Variants in UBE2W observed in about 807,000 individuals in gnomAD.
The protein encoded by UBE2W is ubiquitin-conjugating enzyme E2 W.
UBE2W carries 18 observed loss-of-function variants against 27.2 expected under a neutral mutation model. The observed-to-expected ratio is 0.66, with a 90% CI of 0.46 to 0.98. UBE2W has a LOEUF of 0.98. Among genes scored for constraint, UBE2W ranks in the 50% least tolerant of loss-of-function variants. The pLI is 0.00. For synonymous variants in UBE2W, 53 were observed against 57.2 expected (o/e 0.93, Z 0.33); for missense variants, 90 against 180.2 (o/e 0.50, Z 2.87).
chr8:73,796,292 AAT>A (rs1808417893), intron 5 of UBE2W, among the ~76,000 whole-genome samples: 1 of 152,162 alleles, frequency 6.6e-6, no homozygotes, highest in Non-Finnish European at 1.5e-5. Flanking sequence ...AATTCTACCT[AAT>A]ATGTCAAACT....
intron 5 of UBE2W, among the ~76,000 whole-genome samples, chr8:73,801,051 C>G (rs143253850): frequency 0.012 from 1,770 of 152,222 alleles, 13 homozygotes; most frequent in Middle Eastern, 0.02. Context: ...GATGGCGCCA[C>G]TGCACTCCAG....
downstream of UBE2W, among the ~76,000 whole-genome samples, chr8:73,783,324 TTTTA>T (rs1807875746): frequency 6.6e-6 from 1 of 152,208 alleles, no homozygotes; most frequent in Non-Finnish European, 1.5e-5. Flanking sequence ...CTTTTTGAAG[TTTTA>T]TTGTTTTTGC....
intron 4 of UBE2W, among the ~76,000 whole-genome samples, chr8:73,806,372 C>T (rs796822259): frequency 6.6e-6 from 1 of 151,524 alleles, no homozygotes; most frequent in South Asian, 2.1e-4. Flanking sequence ...GCTTGGGTGA[C>T]AGAGTGAGAC....
downstream of UBE2W, among the ~76,000 whole-genome samples, chr8:73,781,564 T>A (rs1563557385): frequency 6.6e-6 from 1 of 151,724 alleles, no homozygotes. Context: ...TTATCTCAAG[T>A]ATAAGTGTAC....
chr8:73,854,060 G>A (rs968941023), intron 1 of UBE2W, among the ~76,000 whole-genome samples: 6 of 152,026 alleles, frequency 3.9e-5, no homozygotes, highest in African/African-American at 1.2e-4. Flanking sequence ...GAGGAGGGAG[G>A]ATCACTTGAG....
At position 73,787,160 on chromosome 8, in the gene UBE2W, G is replaced by C; in HGVS notation, c.*6942C>G. The stretch of plus-strand genomic sequence containing the variant: ...CAAACATTAAAAATAAATCTTACAG[G>C]CAACTAAAAAAATGGTTGAAAGGGG... On this transcript the variant is annotated 3_prime_UTR_variant, in exon 6 of 6. Coordinates refer to ENST00000602593, the MANE Select transcript of UBE2W (RefSeq NM_018299.6). The C allele has an allele frequency of 1.0e-6, 1 of 985,376 alleles. No individual in the cohort carries two copies. The allele number at this position is 985,376 out of a possible 1,614,324, so 61.0% of individuals were successfully genotyped here. A position where few individuals can be genotyped will look rare whatever the true frequency, so the allele number is the denominator to read the frequency against.
In UBE2W at chr8:73,842,748, G is replaced by A. The variant is rs559830539; in HGVS notation, c.16-12276C>T. Among the ~76,000 whole-genome samples the A allele has an allele frequency of 7.2e-5, 11 of 152,174 alleles. No individual in the cohort carries two copies. The East Asian group carries it at 2.1e-3, about 29-fold the overall frequency. Reference sequence around the variant, plus strand: ...TTTTGTACTTGGAAATGGCAGTGGAGAAAGAGGACATACTGTTTGCACTAC... The same window carrying A: ...TTTTGTACTTGGAAATGGCAGTGGAAAAAGAGGACATACTGTTTGCACTAC... On this transcript the variant is annotated intron_variant, in intron 1 of 5. Coordinates refer to ENST00000602593, the MANE Select transcript of UBE2W (RefSeq NM_018299.6).
chr8:73,839,665 A>G (rs1478445865), intron 1 of UBE2W, among the ~76,000 whole-genome samples: 1 of 151,356 alleles, frequency 6.6e-6, no homozygotes, highest in African/African-American at 2.4e-5. Context: ...TCAAAAAAAA[A>G]CACAAAAAAC....
At chr8:73,821,959 C>A (rs939701343) in intron 3 of UBE2W, among the ~76,000 whole-genome samples, 1 of 152,142 alleles carries the variant, frequency 6.6e-6, no homozygotes, top group Non-Finnish European at 1.5e-5. Context: ...AAGAAATAAT[C>A]CCCTGCACTG....
At chr8:73,847,166 C>T (rs1016529609) in intron 1 of UBE2W, among the ~76,000 whole-genome samples, 2 of 152,022 alleles carry the variant, frequency 1.3e-5, no homozygotes. Flanking sequence ...GAGACTCTGT[C>T]TCAAAAAACA....
chr8:73,793,189 C>T lies in UBE2W; in HGVS notation c.*913G>A. The T allele has an allele frequency of 2.0e-6, 2 of 985,764 alleles. No homozygotes were observed. The highest frequency in any genetic ancestry group is 2.4e-6 in the Non-Finnish European group (2 of 829,890). 61.1% of individuals were successfully genotyped at this position (985,764 alleles called of 1,614,324 possible). A position where few individuals can be genotyped will look rare whatever the true frequency, so the allele number is the denominator to read the frequency against. ...ATGAAATAGTGTTTAGGCAGTAGGG[C>T]TCATGCTGATGGCTAGCAGGAAGTT... On this transcript the variant is annotated 3_prime_UTR_variant, in exon 6 of 6. Coordinates refer to ENST00000602593, the MANE Select transcript of UBE2W (RefSeq NM_018299.6).
chr8:73,877,292 C>T (rs1330270249), intron 1 of UBE2W, among the ~76,000 whole-genome samples: 3 of 152,236 alleles, frequency 2.0e-5, no homozygotes, highest in African/African-American at 7.2e-5. Context: ...GACGAAACTT[C>T]TCCAACGTCT....
intron 1 of UBE2W, chr8:73,870,393 A>T: frequency 2.0e-6 from 1 of 510,226 alleles, no homozygotes; most frequent in Non-Finnish European, 2.8e-6. Context: ...TAGAAATCAG[A>T]AAAAAAAAAA....
At chr8:73,868,406 T>C (rs1418738108) in intron 1 of UBE2W, among the ~76,000 whole-genome samples, 1 of 152,238 alleles carries the variant, frequency 6.6e-6, no homozygotes, top group Non-Finnish European at 1.5e-5. Flanking sequence ...CATAGCTTCA[T>C]CTGTCTGTTC....
At chr8:73,853,282 T>G (rs75941458) in intron 1 of UBE2W, among the ~76,000 whole-genome samples, 6,183 of 152,272 alleles carry the variant, frequency 0.041, 172 homozygotes, top group Middle Eastern at 0.075. Flanking sequence ...AAAAGAAAGA[T>G]AAAATAGTTG....
intron 1 of UBE2W, among the ~76,000 whole-genome samples, chr8:73,866,288 A>AC (rs1336267213): frequency 1.2e-5 from 1 of 80,362 alleles, no homozygotes. Context: ...AAAAAAAAAA[A>AC]AAATATATAT....
intron 1 of UBE2W, among the ~76,000 whole-genome samples, chr8:73,856,785 A>G (rs1467343632): frequency 6.8e-6 from 1 of 148,130 alleles, no homozygotes; most frequent in Admixed American, 6.7e-5. Context: ...GGCTCACTGC[A>G]GCCTCCGCCT....
intron 1 of UBE2W, among the ~76,000 whole-genome samples, chr8:73,866,231 A>G (rs2130983256): frequency 7.3e-6 from 1 of 137,908 alleles, no homozygotes; most frequent in East Asian, 2.2e-4. Flanking sequence ...AGATTGTGCC[A>G]CTGCACTCCA....
At chr8:73,794,233 G>A (rs981303767) in intron 5 of UBE2W, 118 bp from the exon 6 acceptor site, 3 of 1,251,756 alleles carry the variant, frequency 2.4e-6, no homozygotes, top group African/African-American at 1.5e-5. Context: ...TTACATGTCT[G>A]ATCTGCCTCC....
Sources: allele counts gnomAD v4.1 joint callset (sites outside exome capture counted in the v4.1 genomes callset), GRCh38; gene constraint gnomAD v4.1.1; transcripts MANE v1.5; gene names NCBI Gene and HGNC (gene_info 2026-07-23, HGNC 2026-07-21).